Variants in L2HGDH observed in about 807,000 individuals in gnomAD.
L2HGDH encodes L-2-hydroxyglutarate dehydrogenase, mitochondrial.
In L2HGDH, 34 loss-of-function variants were observed where a neutral mutation model predicts 51.5. The observed-to-expected ratio is 0.66, with a 90% CI of 0.50 to 0.88. The LOEUF (loss-of-function observed/expected upper bound fraction) is 0.88, where lower values mean the gene tolerates loss of function less well. Ranked by LOEUF, L2HGDH falls within the 40% of genes least tolerant of loss-of-function variation. L2HGDH has a pLI of 0.00. For missense variants in L2HGDH, 558 were observed against 571.9 expected, an observed-to-expected ratio of 0.98 and a Z score of 0.25; for synonymous variants, 198 against 197.9, an observed-to-expected ratio of 1.00 and a Z score of -0.01.
intron 1 of L2HGDH, among the ~76,000 whole-genome samples, chr14:50,306,605 T>TA (rs1566542534): frequency 6.7e-6 from 1 of 150,198 alleles, no homozygotes; most frequent in Non-Finnish European, 1.5e-5. Flanking sequence ...TTGGGGTTTT[T>TA]TTTTTTTTTT....
Position 50,265,501 on chromosome 14 carries a change from G to A in L2HGDH, c.1065-12C>T, listed in dbSNP as rs1331378999. ...GTTTAATCAAGCCACTGAAAACAGA[G>A]AAAAAAAATCTTTATGAGAGAAAGG... On this transcript the variant is annotated splice_polypyrimidine_tract_variant and intron_variant, in intron 8 of 9. Transcript: ENST00000267436. 2 of 1,605,964 alleles carry A rather than the reference G, an allele frequency of 1.2e-6. No homozygotes were observed. The highest frequency in any genetic ancestry group is 1.7e-6 in the Non-Finnish European group (2 of 1,175,748).
intron 1 of L2HGDH, among the ~76,000 whole-genome samples, chr14:50,304,467 T>C (rs561498320): frequency 1.5e-4 from 23 of 152,306 alleles, no homozygotes; most frequent in Admixed American, 4.6e-4. Flanking sequence ...AAATAAACCT[T>C]GGGGCAATAA....
intron 4 of L2HGDH, among the ~76,000 whole-genome samples, chr14:50,284,604 G>A (rs1446064535): frequency 1.3e-5 from 2 of 152,184 alleles, no homozygotes; most frequent in Non-Finnish European, 2.9e-5. Flanking sequence ...TGTTGAACGT[G>A]TCATTGGCCG....
At chr14:50,254,570 G>C (rs758402337) in intron 9 of L2HGDH, among the ~76,000 whole-genome samples, 19 of 152,048 alleles carry the variant, frequency 1.2e-4, no homozygotes, top group South Asian at 2.1e-4. Flanking sequence ...GCTGTATAGA[G>C]AATCAGTCAG....
At chr14:50,280,346 T>C (rs1040383356) in intron 5 of L2HGDH, among the ~76,000 whole-genome samples, 1 of 152,050 alleles carries the variant, frequency 6.6e-6, no homozygotes. Context: ...TTTGTATTTT[T>C]AGTGGAGATG....
In L2HGDH at chr14:50,244,789, T is replaced by C; in HGVS notation, c.*2269A>G. 2 of 985,396 alleles carry C rather than the reference T, an allele frequency of 2.0e-6. No homozygotes were observed. The highest frequency in any genetic ancestry group is 1.7e-5 in the African/African-American group (1 of 57,350). 61.0% of individuals were successfully genotyped at this position (985,396 alleles called of 1,614,324 possible). On this transcript the variant is annotated 3_prime_UTR_variant, in exon 10 of 10. Transcript: ENST00000267436. ...GAAGAAAACAGAAACATTTTTCCTA[T>C]CAACCAAAATGCACATCCTTCTCAC...
intron 1 of L2HGDH, 87 bp downstream of exon 1, chr14:50,311,924 A>C: frequency 6.6e-7 from 1 of 1,513,406 alleles, no homozygotes; most frequent in Non-Finnish European, 8.9e-7. Flanking sequence ...CGGGACAGGG[A>C]AATACGAACA....
chr14:50,302,588 G>A (rs919650519), intron 2 of L2HGDH, among the ~76,000 whole-genome samples: 5 of 152,170 alleles, frequency 3.3e-5, no homozygotes, highest in South Asian at 2.1e-4. Context: ...CAGAGGCTCC[G>A]GTGGAATCAA....
At chr14:50,293,679 A>C (rs1397292800) in intron 4 of L2HGDH, among the ~76,000 whole-genome samples, 1 of 152,188 alleles carries the variant, frequency 6.6e-6, no homozygotes, top group Admixed American at 6.5e-5. Context: ...TATCGTATAG[A>C]TCAGACACTA....
intron 4 of L2HGDH, among the ~76,000 whole-genome samples, chr14:50,285,626 G>C (rs2139168181): frequency 6.6e-6 from 1 of 152,342 alleles, no homozygotes; most frequent in African/African-American, 2.4e-5. Context: ...TATGTGACAA[G>C]TATAACAGAG....
At chr14:50,251,065 G>A (rs1301908554) in intron 9 of L2HGDH, among the ~76,000 whole-genome samples, 9 of 152,130 alleles carry the variant, frequency 5.9e-5, no homozygotes, top group African/African-American at 1.4e-4. Context: ...AGAGATATAC[G>A]ACCTTTCTGA....
At chr14:50,292,050 T>C (rs527581477) in intron 4 of L2HGDH, among the ~76,000 whole-genome samples, 1 of 152,176 alleles carries the variant, frequency 6.6e-6, no homozygotes, top group Non-Finnish European at 1.5e-5. Context: ...AACAATACTA[T>C]TAATGAGAGT....
At chr14:50,261,387 A>C (rs1271131128) in intron 9 of L2HGDH, among the ~76,000 whole-genome samples, 1 of 152,234 alleles carries the variant, frequency 6.6e-6, no homozygotes, top group Non-Finnish European at 1.5e-5. Flanking sequence ...TGTGACATAT[A>C]TGTCTTCGTC....
intron 9 of L2HGDH, among the ~76,000 whole-genome samples, chr14:50,262,648 C>T (rs1420512546): frequency 6.6e-6 from 1 of 151,820 alleles, no homozygotes; most frequent in Non-Finnish European, 1.5e-5. Flanking sequence ...GTTTATCACT[C>T]CCCTGCTCAT....
At chr14:50,273,137 G>C (rs1422214776) in intron 6 of L2HGDH, among the ~76,000 whole-genome samples, 4 of 150,798 alleles carry the variant, frequency 2.7e-5, no homozygotes. Flanking sequence ...ACAGGGAAAG[G>C]ACCTCTGGAG....
rs115954396 is a variant in L2HGDH, at chr14:50,265,454, T to C, written c.1100A>G (p.Tyr367Cys). The change falls in exon 9 of 10, where the codon TAT (tyrosine) becomes TGT (cysteine). Residue 367 changes from tyrosine (Y) to cysteine (C), a missense_variant. Coordinates refer to ENST00000267436, the MANE Select transcript of L2HGDH (RefSeq NM_024884.3). ...TGCTTTATACATTTCAGTAACTCCA[T>C]AGGAAAAATTCTGGGATGCCAGTTT... ...LIKLASQNFS[Y>C]GVTEMYKACF... 9.5e-4 allele frequency: 1,538 copies of C among 1,613,278 alleles called. 13 individuals carry two copies. The African/African-American group carries it at 0.011, about 12-fold the overall frequency.
At position 50,267,778 on chromosome 14, in the gene L2HGDH, C is replaced by A. The variant is rs866375693; in HGVS notation, c.1039G>T (p.Asp347Tyr). The stretch of plus-strand genomic sequence containing the variant: ...CTATTGATAATTATATCCATAACAT[C>A]TGTGGCACTGAAGTCAAAGGGTCTG... ...GYRPFDFSAT[D>Y]VMDIIINSGL... Residue 347 changes from aspartate to tyrosine, a missense_variant, in exon 8 of 10, where the codon GAT (aspartate) becomes TAT (tyrosine). Physicochemically the swap from Asp to Tyr is radical, Grantham distance 160. Coordinates refer to ENST00000267436, the MANE Select transcript of L2HGDH (RefSeq NM_024884.3). 1 of 1,612,306 alleles carries A rather than the reference C, an allele frequency of 6.2e-7. No homozygotes were observed. The highest frequency in any genetic ancestry group is 1.1e-5 in the South Asian group (1 of 91,032).
At chr14:50,265,554 T>A in intron 8 of L2HGDH, 65 bp from the exon 9 acceptor site, 1 of 1,333,120 alleles carries the variant, frequency 7.5e-7, no homozygotes, top group Non-Finnish European at 1.0e-6. Context: ...AATACCTTTA[T>A]AATTATTAGA....
Position 50,305,884 on chromosome 14 carries a change from G to A in L2HGDH, c.141-2867C>T, listed in dbSNP as rs75800038. On this transcript the variant is annotated intron_variant, in intron 1 of 9. Transcript: ENST00000267436. ...TCCAATATACCTTAAGTCATCTCTG[G>A]ATCACTTATACTACATAGTACCATG... is the stretch of plus-strand genomic sequence containing the variant. Among the ~76,000 whole-genome samples, 930 of 152,200 alleles carry A rather than the reference G, an allele frequency of 6.1e-3. 10 individuals are homozygous for A. Among genetic ancestry groups the A allele is most frequent in the African/African-American group, 0.021 (871 of 41,500 alleles).
Sources: gnomAD v4.1 joint callset for allele counts (sites outside exome capture counted in the v4.1 genomes callset) on GRCh38, gnomAD v4.1.1 for gene constraint, MANE v1.5 for transcripts, NCBI Gene and HGNC (gene_info 2026-07-23, HGNC 2026-07-21) for gene names.